Variants in KCNK13 observed in about 807,000 individuals in gnomAD.
The protein encoded by KCNK13 is potassium channel subfamily K member 13.
A neutral mutation model predicts 23.4 loss-of-function variants in KCNK13; 12 were observed. That is an observed-to-expected ratio of 0.51 (90% CI 0.33 to 0.83). The LOEUF (loss-of-function observed/expected upper bound fraction) is 0.83, where lower values mean the gene tolerates loss of function less well. KCNK13 is among the 40% of genes least tolerant of loss of function. The pLI is 0.02. For synonymous variants in KCNK13, 231 were observed against 229.5 expected (o/e 1.01, Z -0.06); for missense variants, 463 against 556.3 (o/e 0.83, Z 1.69).
At chr14:90,141,430 C>T (rs992524942) in intron 1 of KCNK13, among the ~76,000 whole-genome samples, 1 of 152,128 alleles carries the variant, frequency 6.6e-6, no homozygotes, top group Non-Finnish European at 1.5e-5. Context: ...GCCCAAGCAT[C>T]CTTATGCCCT....
At chr14:90,136,792 C>T (rs1409551244) in intron 1 of KCNK13, among the ~76,000 whole-genome samples, 2 of 152,090 alleles carry the variant, frequency 1.3e-5, no homozygotes, top group Admixed American at 6.5e-5. Flanking sequence ...CCATTCCTCC[C>T]GCCCCTCATT....
chr14:90,152,698 A>G (rs1466718645), intron 1 of KCNK13, among the ~76,000 whole-genome samples: 2 of 152,230 alleles, frequency 1.3e-5, no homozygotes, highest in African/African-American at 2.4e-5. Context: ...CTAATACAGT[A>G]GCCTCATAGT....
At chr14:90,079,120 G>A (rs1889177601) in intron 1 of KCNK13, among the ~76,000 whole-genome samples, 1 of 152,124 alleles carries the variant, frequency 6.6e-6, no homozygotes, top group South Asian at 2.1e-4. Context: ...CTAGTGCTCA[G>A]GTTCAACATG....
At chr14:90,083,774 C>G (rs1283512225) in intron 1 of KCNK13, among the ~76,000 whole-genome samples, 1 of 152,162 alleles carries the variant, frequency 6.6e-6, no homozygotes, top group Admixed American at 6.5e-5. Flanking sequence ...TGTAAATTGC[C>G]CAGTCTGCGG....
Position 90,065,669 on chromosome 14 carries a change from G to C in KCNK13, c.334+3130G>C, listed in dbSNP as rs186706658. Among the ~76,000 whole-genome samples, 275 of 152,304 alleles carry C rather than the reference G, an allele frequency of 1.8e-3. 6 individuals are homozygous for C. Among genetic ancestry groups the C allele is most frequent in the East Asian group, 2.5e-3 (13 of 5,184 alleles). ...ACACCTGTCAGGAATTGGTTAAAAA[G>C]CTGTCTGGGGAGGATGAGAAAGGAG... On this transcript the variant is annotated intron_variant, in intron 1 of 1. Coordinates refer to ENST00000282146, the MANE Select transcript of KCNK13 (RefSeq NM_022054.4).
At chr14:90,135,932 A>G (rs574517035) in intron 1 of KCNK13, among the ~76,000 whole-genome samples, 1 of 152,044 alleles carries the variant, frequency 6.6e-6, no homozygotes, top group South Asian at 2.1e-4. Context: ...AGCTGTCATC[A>G]CTTCTCGGGC....
At chr14:90,089,555 C>T (rs1379469096) in intron 1 of KCNK13, among the ~76,000 whole-genome samples, 2 of 152,242 alleles carry the variant, frequency 1.3e-5, no homozygotes, top group African/African-American at 4.8e-5. Flanking sequence ...AAAATCCCAT[C>T]TTCCGAGGAG....
At chr14:90,107,073 G>A (rs1889552641) in intron 1 of KCNK13, among the ~76,000 whole-genome samples, 1 of 152,094 alleles carries the variant, frequency 6.6e-6, no homozygotes, top group African/African-American at 2.4e-5. Context: ...CTATAATGAA[G>A]CGCTCGGGTG....
At chr14:90,088,312 T>A (rs1018679618) in intron 1 of KCNK13, among the ~76,000 whole-genome samples, 2 of 151,428 alleles carry the variant, frequency 1.3e-5, no homozygotes, top group African/African-American at 4.8e-5. Flanking sequence ...AGTTGGTAAA[T>A]GTTTAACAAC....
At chr14:90,129,013 T>TGA in intron 1 of KCNK13, among the ~76,000 whole-genome samples, 1 of 152,174 alleles carries the variant, frequency 6.6e-6, no homozygotes, top group Non-Finnish European at 1.5e-5. Flanking sequence ...TTTTGTTTTT[T>TGA]CAAAATTTAT....
intron 1 of KCNK13, among the ~76,000 whole-genome samples, chr14:90,126,536 T>C (rs1248355977): frequency 6.6e-6 from 1 of 151,846 alleles, no homozygotes; most frequent in East Asian, 1.9e-4. Flanking sequence ...CTATTCTTGT[T>C]GTTGTTGTTG....
intron 1 of KCNK13, among the ~76,000 whole-genome samples, chr14:90,145,957 G>C (rs543001817): frequency 3.4e-5 from 5 of 147,642 alleles, no homozygotes; most frequent in African/African-American, 1.2e-4. Flanking sequence ...GCTGCAGTGA[G>C]CCATGATCAC....
intron 1 of KCNK13, among the ~76,000 whole-genome samples, chr14:90,087,154 A>ATTTTTTT (rs1555401789): frequency 3.7e-5 from 4 of 107,648 alleles, no homozygotes; most frequent in Non-Finnish European, 5.3e-5. Context: ...ATATATATAT[A>ATTTTTTT]TTTTTTTTTT....
At chr14:90,172,296 G>A (rs1890373267) in intron 1 of KCNK13, among the ~76,000 whole-genome samples, 1 of 142,580 alleles carries the variant, frequency 7.0e-6, no homozygotes, top group South Asian at 2.3e-4. Context: ...TATCCCGGGT[G>A]ATGGAGCCAG....
intron 1 of KCNK13, among the ~76,000 whole-genome samples, chr14:90,104,235 C>A (rs1209414948): frequency 6.6e-6 from 1 of 152,194 alleles, no homozygotes; most frequent in Non-Finnish European, 1.5e-5. Flanking sequence ...CCTGGCATGT[C>A]CCTGAGTGCC....
At chr14:90,159,595 G>A (rs978660619) in intron 1 of KCNK13, among the ~76,000 whole-genome samples, 5 of 152,184 alleles carry the variant, frequency 3.3e-5, no homozygotes, top group Admixed American at 2.0e-4. Flanking sequence ...CAGCAAACAC[G>A]GGGGCTTGGC....
At chr14:90,125,957 T>A (rs963734138) in intron 1 of KCNK13, among the ~76,000 whole-genome samples, 1 of 151,508 alleles carries the variant, frequency 6.6e-6, no homozygotes, top group Non-Finnish European at 1.5e-5. Context: ...CTGGGGAGGT[T>A]GAGGTTGCAG....
At chr14:90,099,096 T>A (rs74857203) in intron 1 of KCNK13, among the ~76,000 whole-genome samples, 40 of 148,882 alleles carry the variant, frequency 2.7e-4, no homozygotes, top group African/African-American at 8.8e-4. Context: ...TTTTAAAAAT[T>A]AAAAAAAAAA....
At chr14:90,084,784 A>G (rs1338638519) in intron 1 of KCNK13, among the ~76,000 whole-genome samples, 1 of 152,204 alleles carries the variant, frequency 6.6e-6, no homozygotes, top group Non-Finnish European at 1.5e-5. Flanking sequence ...AGGTTGAGAA[A>G]GATCCCTTCT....
Sources: allele counts gnomAD v4.1 joint callset (sites outside exome capture counted in the v4.1 genomes callset), GRCh38; gene constraint gnomAD v4.1.1; transcripts MANE v1.5; gene names NCBI Gene and HGNC (gene_info 2026-07-23, HGNC 2026-07-21).